The following SORBS2 variants were observed in gnomAD, a reference collection of about 807,000 sequenced individuals.
SORBS2 encodes sorbin and SH3 domain-containing protein 2.
In SORBS2, 46 loss-of-function variants were observed where a neutral mutation model predicts 97.7. The ratio of observed to expected loss-of-function variants is 0.47; its 90% CI spans 0.37 to 0.60. The LOEUF is 0.60. SORBS2 is among the 20% of genes least tolerant of loss of function. The probability of loss-of-function intolerance (pLI) is 0.00; values close to 1 mark genes in which losing one functional copy is unlikely to be tolerated. For missense variants in SORBS2, 1,316 were observed against 1,282.3 expected (o/e 1.03, Z -0.40); for synonymous variants, 476 against 473.4 (o/e 1.01, Z -0.07).
intron 1 of SORBS2, among the ~76,000 whole-genome samples, chr4:185,908,803 AG>A (rs1204773691): frequency 6.6e-6 from 1 of 152,120 alleles, no homozygotes; most frequent in Non-Finnish European, 1.5e-5. Context: ...CAAAACAGAT[AG>A]GTTGAGCCAT....
intron 2 of SORBS2, among the ~76,000 whole-genome samples, chr4:185,694,706 C>CTTTCTTTT (rs1388020260): frequency 1.4e-4 from 17 of 124,264 alleles, no homozygotes; most frequent in African/African-American, 3.8e-4. Context: ...CCTTTTCTTT[C>CTTTCTTTT]TTTTCTTTTC....
intron 1 of SORBS2, among the ~76,000 whole-genome samples, chr4:185,874,705 A>G (rs989722644): frequency 2.6e-5 from 4 of 152,044 alleles, no homozygotes; most frequent in Non-Finnish European, 4.4e-5. Context: ...ATCTTTATGT[A>G]TTTCATCATT....
In SORBS2 at chr4:185,589,600, T is replaced by C. The variant is rs1047536656; in HGVS notation, c.2953+79A>G. On this transcript the variant is annotated intron_variant, in intron 14 of 14. Coordinates refer to ENST00000418609, the Ensembl canonical transcript of SORBS2. ...TACGAATTCAAAGGAAGCTCGGCCA[T>C]CACAGCAAACCACGGGAGTGAGCAA... 6.1e-6 allele frequency: 5 copies of C among 815,732 alleles called. No individual in the cohort carries two copies. The African/African-American group carries it at 8.5e-5, about 14-fold the overall frequency. 50.5% of individuals were successfully genotyped at this position (815,732 alleles called of 1,614,324 possible). A position where few individuals can be genotyped will look rare whatever the true frequency, so the allele number is the denominator to read the frequency against.
chr4:185,695,226 C>G (rs977480273), intron 2 of SORBS2, among the ~76,000 whole-genome samples: 3 of 152,070 alleles, frequency 2.0e-5, no homozygotes, highest in Non-Finnish European at 4.4e-5. Flanking sequence ...TTCTGAAGAG[C>G]AGCAGAGACA....
At chr4:185,815,009 C>T (rs2099192411) in intron 1 of SORBS2, among the ~76,000 whole-genome samples, 1 of 152,252 alleles carries the variant, frequency 6.6e-6, no homozygotes, top group South Asian at 2.1e-4. Context: ...TCTGATTTTT[C>T]CAGCCCATCT....
In SORBS2 at chr4:185,913,863, G is replaced by C. The variant is rs9998997; in HGVS notation, c.-338+42333C>G. ...CTGAAGATCCAATATCTAAAATGTTGATGTAGAAAACATAATTTAATCTTT... is the reference window on the plus strand; with the variant it reads ...CTGAAGATCCAATATCTAAAATGTTCATGTAGAAAACATAATTTAATCTTT... On this transcript the variant is annotated intron_variant, in intron 1 of 20. Coordinates refer to the SORBS2 transcript ENST00000284776. Among the ~76,000 whole-genome samples the C allele has an allele frequency of 7.0e-3, 1,061 of 152,224 alleles. 16 individuals are homozygous for C. Among genetic ancestry groups the C allele is most frequent in the African/African-American group, 0.025 (1,023 of 41,522 alleles).
intron 2 of SORBS2, among the ~76,000 whole-genome samples, chr4:185,682,569 T>C (rs1380317075): frequency 6.6e-6 from 1 of 152,358 alleles, no homozygotes; most frequent in East Asian, 1.9e-4. Flanking sequence ...TGTTGTATTT[T>C]AACAATATCG....
intron 2 of SORBS2, among the ~76,000 whole-genome samples, chr4:185,755,452 G>A (rs1041895412): frequency 1.3e-5 from 2 of 152,210 alleles, no homozygotes; most frequent in African/African-American, 4.8e-5. Flanking sequence ...GAAAATAATA[G>A]GCACCAGAAG....
intron 1 of SORBS2, among the ~76,000 whole-genome samples, chr4:185,899,131 A>G (rs2099246363): frequency 6.6e-6 from 1 of 152,192 alleles, no homozygotes; most frequent in Admixed American, 6.5e-5. Context: ...GAGTGCTCAC[A>G]GGAGAAAGAG....
At chr4:185,931,990 C>T (rs1482698166) in intron 1 of SORBS2, among the ~76,000 whole-genome samples, 4 of 151,642 alleles carry the variant, frequency 2.6e-5, no homozygotes, top group Non-Finnish European at 5.9e-5. Flanking sequence ...CTCTCTCTCT[C>T]TCTCTCTCTC....
In SORBS2 at chr4:185,623,051, G is replaced by T. The variant is rs2096743636; in HGVS notation, c.2078C>A (p.Pro693Gln). The change falls in exon 7 of 15, where the codon CCA becomes CAA. Residue 693 changes from proline (P) to glutamine (Q), a missense_variant. Transcript: ENST00000418609. This position sits in a 1 kb window ranked among gnomAD's most constrained non-coding sequence, Gnocchi z 6.4. ...ATGAATAGCACCATCGGGAGGCAGT[G>T]GGTGGAGAGGCTGGTGCAGGGGGCT... 1 of 1,614,192 alleles carries T rather than the reference G, an allele frequency of 6.2e-7. No individual in the cohort carries two copies. The highest frequency in any genetic ancestry group is 2.2e-5 in the East Asian group (1 of 44,874).
At chr4:185,891,357 A>C (rs1388467470) in intron 1 of SORBS2, among the ~76,000 whole-genome samples, 1 of 152,196 alleles carries the variant, frequency 6.6e-6, no homozygotes, top group African/African-American at 2.4e-5. Context: ...TGGGCATGAC[A>C]GCCTTTCCCA....
chr4:185,797,281 C>T (rs535144083), intron 1 of SORBS2, among the ~76,000 whole-genome samples: 80 of 152,322 alleles, frequency 5.3e-4, no homozygotes, highest in African/African-American at 1.8e-3. Context: ...CTCCCGGCCC[C>T]GTCACCTTAG....
At chr4:185,705,469 C>T (rs995890710) in intron 2 of SORBS2, among the ~76,000 whole-genome samples, 16 of 151,980 alleles carry the variant, frequency 1.1e-4, no homozygotes, top group South Asian at 6.2e-4. Flanking sequence ...TCGCTTGAAC[C>T]GAGAAAGTGG....
At chr4:185,786,822 TG>T (rs1446304919) in intron 1 of SORBS2, among the ~76,000 whole-genome samples, 3 of 152,046 alleles carry the variant, frequency 2.0e-5, no homozygotes, top group African/African-American at 7.2e-5. Context: ...ACTAGCCGTG[TG>T]TGGTGGTGTG....
chr4:185,757,110 G>A, intron 2 of SORBS2: 1 of 552,488 alleles, frequency 1.8e-6, no homozygotes, highest in Non-Finnish European at 3.5e-6. Context: ...TGGAAAAGCA[G>A]GAAGCACACT....
chr4:185,751,172 T>TAAAACAAAAAAAAAAAAAAA (rs2098796628), intron 2 of SORBS2, among the ~76,000 whole-genome samples: 1 of 31,706 alleles, frequency 3.2e-5, no homozygotes, highest in Non-Finnish European at 6.5e-5. Context: ...CTCTAAATAC[T>TAAAACAAAAAAAAAAAAAAA]AAAAAAAAAA....
At chr4:185,627,922 A>T (rs1246008652) in intron 5 of SORBS2, among the ~76,000 whole-genome samples, 1 of 152,134 alleles carries the variant, frequency 6.6e-6, no homozygotes, top group Non-Finnish European at 1.5e-5. Context: ...CCCAGTTGAT[A>T]TCATGCAGAA....
chr4:185,708,983 T>C (rs1351046744), intron 2 of SORBS2, among the ~76,000 whole-genome samples: 1 of 152,384 alleles, frequency 6.6e-6, no homozygotes, highest in Middle Eastern at 3.4e-3. Context: ...CCTCAAAAAA[T>C]TTCAATTCAG....
Sources: gnomAD v4.1 joint callset for allele counts (sites outside exome capture counted in the v4.1 genomes callset) on GRCh38, gnomAD v4.1.1 for gene constraint, Gnocchi (gnomAD v3.1) non-coding constraint, MANE v1.5 for transcripts, NCBI Gene and HGNC (gene_info 2026-07-23, HGNC 2026-07-21) for gene names.